Variants in SASH1 observed in about 807,000 individuals in gnomAD.
The protein encoded by SASH1 is SAM and SH3 domain-containing protein 1.
Under a neutral mutation model 125.2 loss-of-function variants are expected in SASH1, and 44 were observed. That is an observed-to-expected ratio of 0.35 (90% CI 0.28 to 0.45). SASH1 has a LOEUF of 0.45. Ranked by LOEUF, SASH1 falls within the 20% of genes least tolerant of loss-of-function variation. The pLI, the probability that SASH1 is intolerant of heterozygous loss-of-function variation, is 1.00. For synonymous variants in SASH1, 639 were observed against 649.1 expected, an observed-to-expected ratio of 0.98 and a Z score of 0.24; for missense variants, 1,426 against 1,614.5, an observed-to-expected ratio of 0.88 and a Z score of 2.00.
At chr6:148,372,728 TTC>T (rs1251732099) in intron 1 of SASH1, among the ~76,000 whole-genome samples, 3 of 152,140 alleles carry the variant, frequency 2.0e-5, no homozygotes, top group African/African-American at 7.2e-5. Context: ...CATTCATTCA[TTC>T]ATTCAGTGCA....
intron 5 of SASH1, among the ~76,000 whole-genome samples, chr6:148,469,343 G>C (rs539290467): frequency 3.3e-5 from 5 of 152,186 alleles, no homozygotes; most frequent in African/African-American, 4.8e-5. Context: ...TATAGTAGCT[G>C]AATAAATGTT....
At chr6:148,276,054 G>A (rs1779174437) in intron 1 of SASH1, among the ~76,000 whole-genome samples, 1 of 152,178 alleles carries the variant, frequency 6.6e-6, no homozygotes, top group South Asian at 2.1e-4. Context: ...GGAATTATGA[G>A]TAGTGGGAAG....
intron 8 of SASH1, among the ~76,000 whole-genome samples, chr6:148,492,211 GA>G (rs560307872): frequency 6.6e-4 from 100 of 152,286 alleles, no homozygotes; most frequent in African/African-American, 2.2e-3. Context: ...TTTTGTTTAG[GA>G]AAAAGTTAAT....
rs1321429736 is a variant in SASH1 at position 148,519,746 on chromosome 6, C to G, written c.1062C>G (p.Phe354Leu). 1 of 1,614,022 alleles carries G rather than the reference C, an allele frequency of 6.2e-7. No homozygotes were observed. The change falls in exon 10 of 20, where the codon TTC (phenylalanine) becomes TTG (leucine). Residue 354 changes from phenylalanine (F) to leucine (L), a missense_variant. Phe to Leu is a conservative substitution (Grantham distance 22). Coordinates refer to ENST00000367467, the MANE Select transcript of SASH1 (RefSeq NM_015278.5). This position sits in a 1 kb window ranked among gnomAD's most constrained non-coding sequence, Gnocchi z 4.8. Reference sequence around the variant, plus strand: ...CTGGCCGGAAGTTGGTCAAAACCTTCAGCAAAGGAGAGAGCCGGGGCCTGA... The same window carrying G: ...CTGGCCGGAAGTTGGTCAAAACCTTGAGCAAAGGAGAGAGCCGGGGCCTGA... ...WGAGRKLVKT[F>L]SKGESRGLIK...
At chr6:148,514,080 G>GC in intron 8 of SASH1, 1 of 1,223,570 alleles carries the variant, frequency 8.2e-7, no homozygotes, top group South Asian at 2.3e-5. Flanking sequence ...CAGGCCACTT[G>GC]CCCCCACTTG....
chr6:148,219,184 G>A, the SASH1 span, among the ~76,000 whole-genome samples: 1 of 152,208 alleles, frequency 6.6e-6, no homozygotes, highest in African/African-American at 2.4e-5. Context: ...AAACTATTTG[G>A]CCTAGGTTCT....
chr6:148,289,627 C>A (rs765724399), intron 1 of SASH1, among the ~76,000 whole-genome samples: 4 of 152,118 alleles, frequency 2.6e-5, no homozygotes, highest in Non-Finnish European at 5.9e-5. Flanking sequence ...GAGACATAGA[C>A]AATTGTTACT....
chr6:148,351,623 T>A (rs1312622840), intron 1 of SASH1, among the ~76,000 whole-genome samples: 1 of 147,838 alleles, frequency 6.8e-6, no homozygotes. Context: ...AATCTTGGGA[T>A]ATGCCCTGAG....
In SASH1 at chr6:148,481,201, G is replaced by A. The variant is rs148159343; in HGVS notation, c.628-6413G>A. 3.1e-3 allele frequency among the ~76,000 whole-genome samples: 474 copies of A among 152,084 alleles called. 3 individuals carry two copies. Among genetic ancestry groups the A allele is most frequent in the African/African-American group, 0.011 (448 of 41,518 alleles). ...AAAATAGTTTCTGGATTTAATATAA[G>A]ACGCACCTCCTTATCTCTTCATAGA... is the stretch of plus-strand genomic sequence containing the variant. On this transcript the variant is annotated intron_variant, in intron 7 of 19. Transcript: ENST00000367467.
At chr6:148,349,149 A>G (rs1274277397) in intron 1 of SASH1, among the ~76,000 whole-genome samples, 1 of 149,746 alleles carries the variant, frequency 6.7e-6, no homozygotes, top group East Asian at 2.1e-4. Flanking sequence ...ATGTTGCTGG[A>G]TAAGGTTTGT....
intron 2 of SASH1, among the ~76,000 whole-genome samples, chr6:148,396,836 A>G (rs1783974800): frequency 6.6e-6 from 1 of 152,176 alleles, no homozygotes; most frequent in African/African-American, 2.4e-5. Context: ...CAGTTTCCCA[A>G]TTTATAAAAT....
chr6:148,224,552 G>A, the SASH1 span, among the ~76,000 whole-genome samples: 1 of 152,020 alleles, frequency 6.6e-6, no homozygotes, highest in Non-Finnish European at 1.5e-5. Flanking sequence ...GTAGAGATGG[G>A]GTTTCACCAT....
intron 9 of SASH1, among the ~76,000 whole-genome samples, chr6:148,515,004 A>G (rs1780361860): frequency 6.6e-6 from 1 of 152,214 alleles, no homozygotes; most frequent in Admixed American, 6.5e-5. Context: ...TAAGAGTTGT[A>G]TTGCTGGGGT....
chr6:148,415,707 A>G (rs1283422663), intron 2 of SASH1, among the ~76,000 whole-genome samples: 1 of 152,178 alleles, frequency 6.6e-6, no homozygotes, highest in Non-Finnish European at 1.5e-5. Flanking sequence ...AGCCAGCAGG[A>G]CAAAGGTCAC....
intron 17 of SASH1, 59 bp downstream of exon 17, chr6:148,540,615 GTTT>G: frequency 7.8e-7 from 1 of 1,285,258 alleles, no homozygotes; most frequent in East Asian, 2.4e-5. Flanking sequence ...TCAAAGCACA[GTTT>G]TCTGCAAAAG....
chr6:148,388,797 C>G (rs950248710), intron 1 of SASH1, among the ~76,000 whole-genome samples: 1 of 152,198 alleles, frequency 6.6e-6, no homozygotes, highest in Non-Finnish European at 1.5e-5. Context: ...GCGTGTGTTG[C>G]TATGGGCAGT....
intron 1 of SASH1, among the ~76,000 whole-genome samples, chr6:148,280,697 A>G (rs1779314946): frequency 6.6e-6 from 1 of 152,072 alleles, no homozygotes; most frequent in African/African-American, 2.4e-5. Flanking sequence ...AGTCCCAGCT[A>G]CTCGGGAGGC....
At chr6:148,234,784 G>A in the SASH1 span, among the ~76,000 whole-genome samples, 5 of 150,976 alleles carry the variant, frequency 3.3e-5, no homozygotes, top group South Asian at 2.1e-4. Flanking sequence ...CCGAGACTGC[G>A]CCATTGCACT....
chr6:148,366,803 G>A (rs1583031352), intron 1 of SASH1, among the ~76,000 whole-genome samples: 1 of 151,932 alleles, frequency 6.6e-6, no homozygotes, highest in African/African-American at 2.4e-5. Flanking sequence ...TCACCGTATT[G>A]GTCAGGCTGG....
Sources: allele counts gnomAD v4.1 joint callset (sites outside exome capture counted in the v4.1 genomes callset), GRCh38; gene constraint gnomAD v4.1.1; non-coding constraint Gnocchi (gnomAD v3.1); transcripts MANE v1.5; gene names NCBI Gene and HGNC (gene_info 2026-07-23, HGNC 2026-07-21).